RTN1: variants seen among roughly 807,000 people sequenced by gnomAD.
RTN1 encodes the protein reticulon-1.
A neutral mutation model predicts 65.5 loss-of-function variants in RTN1; 25 were observed. That is an observed-to-expected ratio of 0.38 (90% CI 0.28 to 0.53). RTN1 has a LOEUF of 0.53. Ranked by LOEUF, RTN1 falls within the 20% of genes least tolerant of loss-of-function variation. RTN1 has a pLI of 0.79. For synonymous variants in RTN1, 471 were observed against 447.6 expected (o/e 1.05, Z -0.66); for missense variants, 983 against 1,025.4 (o/e 0.96, Z 0.57).
At chr14:59,659,875 A>G (rs980617405) in intron 3 of RTN1, among the ~76,000 whole-genome samples, 13 of 152,220 alleles carry the variant, frequency 8.5e-5, no homozygotes, top group Admixed American at 7.2e-4. Context: ...GACAGGATCA[A>G]ATTCACATAT....
intron 1 of RTN1, among the ~76,000 whole-genome samples, chr14:59,828,863 C>T (rs1189796021): frequency 1.3e-5 from 2 of 152,126 alleles, no homozygotes; most frequent in Non-Finnish European, 2.9e-5. Context: ...TTCCAAGGCA[C>T]TGAAAGTCTA....
intron 1 of RTN1, among the ~76,000 whole-genome samples, chr14:59,750,074 A>G (rs1401802599): frequency 1.3e-5 from 1 of 78,398 alleles, no homozygotes; most frequent in Non-Finnish European, 2.1e-5. Context: ...ATTATATATT[A>G]TATATTATAG....
At chr14:59,750,089 ATATATTATATATTATATAT>A (rs1885419826) in intron 1 of RTN1, among the ~76,000 whole-genome samples, 1 of 57,212 alleles carries the variant, frequency 1.7e-5, no homozygotes, top group Non-Finnish European at 2.7e-5. Flanking sequence ...TTATAGACAT[ATATATTATATATTATATAT>A]TATATATAAT....
At chr14:59,724,172 G>A (rs927863805) in intron 3 of RTN1, among the ~76,000 whole-genome samples, 5 of 152,146 alleles carry the variant, frequency 3.3e-5, no homozygotes, top group African/African-American at 1.2e-4. Context: ...CATACAAGGA[G>A]GAAAACTGAA....
chr14:59,619,924 G>A (rs145338806), intron 3 of RTN1, among the ~76,000 whole-genome samples: 124 of 152,216 alleles, frequency 8.1e-4, no homozygotes, highest in African/African-American at 2.6e-3. Flanking sequence ...TAGTGGGGAC[G>A]GAAGCCTTAT....
chr14:59,766,435 T>C lies in RTN1; in HGVS notation c.242-19954A>G, dbSNP rs1006143477. 1.3e-5 allele frequency among the ~76,000 whole-genome samples: 2 copies of C among 152,182 alleles called. No individual in the cohort carries two copies. Among genetic ancestry groups the C allele is most frequent in the African/African-American group, 2.4e-5 (1 of 41,432 alleles). On this transcript the variant is annotated intron_variant, in intron 1 of 8. Transcript: ENST00000267484. This position sits in a 1 kb window ranked among gnomAD's most constrained non-coding sequence, Gnocchi z 4.4. ...TTATTATTTTTGCCCCAAACTCATA[T>C]ATATTGTTCAACGTATTATTTTCTA...
intron 2 of RTN1, among the ~76,000 whole-genome samples, chr14:59,738,500 A>C (rs1247130967): frequency 6.6e-6 from 1 of 152,236 alleles, no homozygotes; most frequent in African/African-American, 2.4e-5. Flanking sequence ...GTCAAAAAAC[A>C]ACAAATGCTG....
rs544237222 is a variant in RTN1, at chr14:59,723,523, A to G, written c.1765+3396T>C. Among the ~76,000 whole-genome samples, 5 of 152,240 alleles carry G rather than the reference A, an allele frequency of 3.3e-5. No individual in the cohort carries two copies. The South Asian group carries it at 1.0e-3, about 32-fold the overall frequency. ...TCCCAGCTACTCGGGAGGCTGAGAC[A>G]GTAGAATGGCGTGAACCTGGGAGGC... On this transcript the variant is annotated intron_variant, in intron 3 of 8. Coordinates refer to ENST00000267484, the MANE Select transcript of RTN1 (RefSeq NM_021136.3).
intron 1 of RTN1, among the ~76,000 whole-genome samples, chr14:59,847,472 A>G (rs749606679): frequency 2.8e-4 from 43 of 152,340 alleles, no homozygotes; most frequent in South Asian, 6.2e-4. Flanking sequence ...AATCCTTTTA[A>G]GTGTTAAAAT....
chr14:59,843,411 A>G (rs1887349704), intron 1 of RTN1, among the ~76,000 whole-genome samples: 1 of 152,254 alleles, frequency 6.6e-6, no homozygotes, highest in Non-Finnish European at 1.5e-5. Flanking sequence ...TACATCCACC[A>G]AACTGTATAA....
chr14:59,823,802 T>A (rs2139631840), intron 1 of RTN1, among the ~76,000 whole-genome samples: 1 of 152,308 alleles, frequency 6.6e-6, no homozygotes, highest in East Asian at 1.9e-4. Context: ...AATTTACACG[T>A]CAACCTCTCT....
At chr14:59,701,408 G>T (rs1283311546) in intron 3 of RTN1, among the ~76,000 whole-genome samples, 1 of 152,074 alleles carries the variant, frequency 6.6e-6, no homozygotes, top group African/African-American at 2.4e-5. Context: ...AGCTGGCAAC[G>T]GAAACAACTC....
chr14:59,653,257 T>G lies in RTN1; in HGVS notation c.1766-45765A>C, dbSNP rs187092555. 3.9e-5 allele frequency among the ~76,000 whole-genome samples: 6 copies of G among 152,346 alleles called. No homozygotes were observed. In the East Asian group the frequency reaches 9.6e-4, roughly 24 times the overall value. Reference sequence around the variant, plus strand: ...CAATGGAGACCAGAAAGAAGTTCCATGACATTCTGCATGCTGAGACAAATG... The same window carrying G: ...CAATGGAGACCAGAAAGAAGTTCCAGGACATTCTGCATGCTGAGACAAATG... On this transcript the variant is annotated intron_variant, in intron 3 of 8. Coordinates refer to ENST00000267484, the MANE Select transcript of RTN1 (RefSeq NM_021136.3).
intron 1 of RTN1, among the ~76,000 whole-genome samples, chr14:59,795,975 T>C (rs893512443): frequency 6.6e-6 from 1 of 152,108 alleles, no homozygotes; most frequent in Non-Finnish European, 1.5e-5. Flanking sequence ...ACCAACTATG[T>C]CCCAAGTACC....
intron 1 of RTN1, among the ~76,000 whole-genome samples, chr14:59,853,374 T>G (rs1887544256): frequency 6.6e-6 from 1 of 152,230 alleles, no homozygotes; most frequent in Non-Finnish European, 1.5e-5. Flanking sequence ...CTGTAACTTC[T>G]GACTGACCAC....
At chr14:59,718,559 C>T (rs1318008200) in intron 3 of RTN1, among the ~76,000 whole-genome samples, 1 of 152,154 alleles carries the variant, frequency 6.6e-6, no homozygotes, top group African/African-American at 2.4e-5. Context: ...TCCACAAGTG[C>T]CATATTGGAC....
chr14:59,614,490 A>C (rs926531960), intron 3 of RTN1, among the ~76,000 whole-genome samples: 1 of 152,260 alleles, frequency 6.6e-6, no homozygotes, highest in Non-Finnish European at 1.5e-5. Context: ...TTGTCAGAAA[A>C]ATAGAAACTT....
At chr14:59,609,721 G>C (rs1203659845) in intron 3 of RTN1, among the ~76,000 whole-genome samples, 1 of 152,144 alleles carries the variant, frequency 6.6e-6, no homozygotes, top group African/African-American at 2.4e-5. Flanking sequence ...TGCAGGGGAG[G>C]GGCAAATGGG....
At chr14:59,819,046 G>A (rs1886873824) in intron 1 of RTN1, among the ~76,000 whole-genome samples, 1 of 152,088 alleles carries the variant, frequency 6.6e-6, no homozygotes, top group African/African-American at 2.4e-5. Context: ...CGCAGTGAGT[G>A]TTACAGTTCA....
Sources: allele counts gnomAD v4.1 joint callset (sites outside exome capture counted in the v4.1 genomes callset), GRCh38; gene constraint gnomAD v4.1.1; non-coding constraint Gnocchi (gnomAD v3.1); transcripts MANE v1.5; gene names NCBI Gene and HGNC (gene_info 2026-07-23, HGNC 2026-07-21).